The following NINJ2 variants were observed in gnomAD, a reference collection of about 807,000 sequenced individuals.
NINJ2 encodes the protein ninjurin 2.
Under a neutral mutation model 11.7 loss-of-function variants are expected in NINJ2, and 12 were observed. The ratio of observed to expected loss-of-function variants is 1.02; its 90% CI spans 0.66 to 1.66. The LOEUF is 1.66. Among genes scored for constraint, NINJ2 ranks in the 40% most tolerant of loss-of-function variants. The pLI is 0.00. For missense variants in NINJ2, 187 were observed against 181.8 expected, an observed-to-expected ratio of 1.03 and a Z score of -0.16; for synonymous variants, 93 against 76.8, an observed-to-expected ratio of 1.21 and a Z score of -1.10.
intron 1 of NINJ2, chr12:589,668 G>A (rs903742343): frequency 1.3e-5 from 2 of 152,198 alleles, no homozygotes; most frequent in South Asian, 2.1e-4. Flanking sequence ...TTAAATATGC[G>A]ATAAATAGCA....
Position 581,567 on chromosome 12 carries a change from A to G in NINJ2, c.34-15389T>C, listed in dbSNP as rs963323267. Among the ~76,000 whole-genome samples, 4 of 152,090 alleles carry G rather than the reference A, an allele frequency of 2.6e-5. No homozygotes were observed. The highest frequency in any genetic ancestry group is 9.7e-5 in the African/African-American group (4 of 41,404). On this transcript the variant is annotated intron_variant, in intron 1 of 3. Transcript: ENST00000305108. This position sits in a 1 kb window ranked among gnomAD's most constrained non-coding sequence, Gnocchi z 4.9. ...CTCCTGTCCTTCCTCAGGATTCGAA[A>G]TGGGGCCAGTCACACATTCTCCCAG... is the stretch of plus-strand genomic sequence containing the variant.
chr12:576,954 G>A (rs1947470453), intron 1 of NINJ2, among the ~76,000 whole-genome samples: 1 of 152,070 alleles, frequency 6.6e-6, no homozygotes, highest in Admixed American at 6.5e-5. Context: ...CCTCCCAGCC[G>A]ATCTCTGCTG....
rs181675784 is a variant in NINJ2, at chr12:566,020, G to T, written c.192C>A (p.Thr64=). Residue 64 remains threonine, a synonymous_variant, in exon 2 of 4, where the codon ACC becomes ACA. Transcript: ENST00000305108. ...LEQGPSSHYY[T]TLVTLISLSL... The stretch of plus-strand genomic sequence containing the variant: ...AGAGGCTGATGAGGGTGACCAGGGT[G>T]GTGTAGTAGTGAGAGGATGGTCCCT... The T allele has an allele frequency of 3.7e-6, 6 of 1,614,202 alleles. No homozygotes were observed. The African/African-American group carries it at 8.0e-5, about 22-fold the overall frequency.
At chr12:601,856 C>T (rs1348463767) in intron 1 of NINJ2, among the ~76,000 whole-genome samples, 4 of 152,070 alleles carry the variant, frequency 2.6e-5, no homozygotes, top group African/African-American at 4.8e-5. Flanking sequence ...TCAGCCTGAG[C>T]GATAGAGTGC....
chr12:577,430 C>CATATATATATGTATATAT lies in NINJ2; in HGVS notation c.34-11253_34-11252insATATATACATATATATAT, dbSNP rs372597339. The stretch of plus-strand genomic sequence containing the variant: ...AACACTAGTCTCATATATATATATA[C>CATATATATATGTATATAT]ATATATATATATAAATATTTTGGCA... On this transcript the variant is annotated intron_variant, in intron 1 of 3. Coordinates refer to ENST00000305108, the MANE Select transcript of NINJ2 (RefSeq NM_016533.6). 6.7e-4 allele frequency among the ~76,000 whole-genome samples: 63 copies of CATATATATATGTATATAT among 93,758 alleles called. 2 individuals are homozygous for CATATATATATGTATATAT. Among genetic ancestry groups the CATATATATATGTATATAT allele is most frequent in the South Asian group, 5.2e-3 (18 of 3,474 alleles). The allele number at this position is 93,758 out of a possible 152,430, so 61.5% of individuals were successfully genotyped here.
chr12:568,505 G>A lies in NINJ2; in HGVS notation c.34-2327C>T, dbSNP rs371203079. ...TTCAAGAGGCACAGGGTGGTCATGGGTGCTAACAGCACCTGCTCTGATGGA... is the reference window on the plus strand; with the variant it reads ...TTCAAGAGGCACAGGGTGGTCATGGATGCTAACAGCACCTGCTCTGATGGA... On this transcript the variant is annotated intron_variant, in intron 1 of 3. Transcript: ENST00000305108. Among the ~76,000 whole-genome samples the A allele has an allele frequency of 2.6e-5, 4 of 152,338 alleles. No individual in the cohort carries two copies. In the South Asian group the frequency reaches 8.3e-4, roughly 32 times the overall value.
chr12:649,008 A>G (rs10849398), intron 1 of NINJ2, among the ~76,000 whole-genome samples: 34 of 151,286 alleles, frequency 2.2e-4, no homozygotes, highest in African/African-American at 7.5e-4. Context: ...CTATCTATCT[A>G]TCTATCTATC....
intron 1 of NINJ2, among the ~76,000 whole-genome samples, chr12:624,210 C>A (rs776793820): frequency 6.6e-5 from 10 of 152,214 alleles, no homozygotes; most frequent in Non-Finnish European, 1.3e-4. Flanking sequence ...CCTATCTGAG[C>A]TTTGTAGGAC....
At chr12:643,455 G>C in intron 1 of NINJ2, 1 of 988,274 alleles carries the variant, frequency 1.0e-6, no homozygotes, top group South Asian at 4.7e-5. Flanking sequence ...AACTAGGGAG[G>C]GGAGAAGGGA....
At chr12:607,178 TC>T (rs1488860751) in intron 1 of NINJ2, among the ~76,000 whole-genome samples, 1 of 151,614 alleles carries the variant, frequency 6.6e-6, no homozygotes, top group Non-Finnish European at 1.5e-5. Context: ...ACCTCAGGCC[TC>T]CCCCAGATCT....
At chr12:610,436 C>T in intron 1 of NINJ2, 1 of 1,535,408 alleles carries the variant, frequency 6.5e-7, no homozygotes, top group Non-Finnish European at 8.7e-7. Flanking sequence ...GAAGTCTCAA[C>T]GGAAAATGAG....
chr12:655,792 A>G (rs956882371), intron 1 of NINJ2, among the ~76,000 whole-genome samples: 1 of 152,020 alleles, frequency 6.6e-6, no homozygotes, highest in Non-Finnish European at 1.5e-5. Context: ...ACGCACCTGT[A>G]ATCCCAGCTA....
At chr12:570,351 G>A (rs1387680016) in intron 1 of NINJ2, among the ~76,000 whole-genome samples, 2 of 152,244 alleles carry the variant, frequency 1.3e-5, no homozygotes, top group Admixed American at 6.5e-5. Flanking sequence ...CTGCGGCAGA[G>A]GGATGGATGG....
At position 565,421 on chromosome 12, in the gene NINJ2, G is replaced by A. The variant is rs1487785780; in HGVS notation, c.263-20C>T. The A allele has an allele frequency of 2.5e-6, 4 of 1,611,686 alleles. No individual in the cohort carries two copies. Among genetic ancestry groups the A allele is most frequent in the Non-Finnish European group, 3.4e-6 (4 of 1,178,988 alleles). On this transcript the variant is annotated intron_variant, in intron 2 of 3. Transcript: ENST00000305108. ...GCCGTGCTGCAGGGAAGTGGAGTGG[G>A]GGGAAAGGGTCAGAGACGGGGCCAC...
intron 1 of NINJ2, among the ~76,000 whole-genome samples, chr12:621,815 C>T (rs1320047874): frequency 2.0e-5 from 1 of 50,836 alleles, no homozygotes; most frequent in Non-Finnish European, 4.1e-5. Context: ...GACTCCGTCT[C>T]AGAAAAAAAA....
intron 1 of NINJ2, among the ~76,000 whole-genome samples, chr12:613,116 C>T (rs572005683): frequency 2.6e-5 from 4 of 152,358 alleles, no homozygotes; most frequent in African/African-American, 9.6e-5. Flanking sequence ...TTCACTCCTC[C>T]TCCCCTGCCA....
In NINJ2 at chr12:564,574, G is replaced by A. The variant is rs1321677403; in HGVS notation, c.*126C>T. ...TTTTAACTCAGGTGCTGTGGGTAGGGAGCAAGGGCAGCTATACTGTCCTTT... is the reference window on the plus strand; with the variant it reads ...TTTTAACTCAGGTGCTGTGGGTAGGAAGCAAGGGCAGCTATACTGTCCTTT... On this transcript the variant is annotated 3_prime_UTR_variant, in exon 4 of 4. Transcript: ENST00000305108. 2 of 152,272 alleles carry A rather than the reference G, an allele frequency of 1.3e-5. No homozygotes were observed. The highest frequency in any genetic ancestry group is 4.8e-5 in the African/African-American group (2 of 41,454). 9.4% of individuals were successfully genotyped at this position (152,272 alleles called of 1,614,324 possible).
In NINJ2 at chr12:591,338, AC is replaced by A. The variant is rs1208510619; in HGVS notation, c.34-25161del. The A allele has an allele frequency of 6.6e-6, 1 of 151,868 alleles. No homozygotes were observed. The highest frequency in any genetic ancestry group is 1.5e-5 in the Non-Finnish European group (1 of 68,032). 9.4% of individuals were successfully genotyped at this position (151,868 alleles called of 1,614,324 possible). ...ACAATTCCCGGCAGCATCTCCCTTC[AC>A]CTCCTGCTTGCTGAGAGCACTTTGG... is the stretch of plus-strand genomic sequence containing the variant. On this transcript the variant is annotated intron_variant, in intron 1 of 3. Transcript: ENST00000305108. The surrounding 1 kb of genome is among the most constrained non-coding windows in gnomAD (Gnocchi z 5.0).
chr12:620,805 T>A (rs1948144936), intron 1 of NINJ2, among the ~76,000 whole-genome samples: 1 of 152,150 alleles, frequency 6.6e-6, no homozygotes, highest in Non-Finnish European at 1.5e-5. Flanking sequence ...AATTTTTGTA[T>A]TTTTAGTAGA....
Sources: allele counts gnomAD v4.1 joint callset (sites outside exome capture counted in the v4.1 genomes callset), GRCh38; gene constraint gnomAD v4.1.1; non-coding constraint Gnocchi (gnomAD v3.1); transcripts MANE v1.5; gene names NCBI Gene and HGNC (gene_info 2026-07-23, HGNC 2026-07-21).